The following ORC2 variants were observed in gnomAD, a reference collection of about 807,000 sequenced individuals.
The protein encoded by ORC2 is origin recognition complex subunit 2, also known as origin recognition complex protein 2 homolog.
Under a neutral mutation model 77.7 loss-of-function variants are expected in ORC2, and 37 were observed. The ratio of observed to expected loss-of-function variants is 0.48; its 90% CI spans 0.37 to 0.63. The LOEUF is 0.63. Ranked by LOEUF, ORC2 falls within the 20% of genes least tolerant of loss-of-function variation. The pLI is 0.00. For synonymous variants in ORC2, 201 were observed against 229.5 expected, an observed-to-expected ratio of 0.88 and a Z score of 1.12; for missense variants, 557 against 661.9, an observed-to-expected ratio of 0.84 and a Z score of 1.74.
intron 10 of ORC2, among the ~76,000 whole-genome samples, chr2:200,933,405 G>A (rs1458360948): frequency 6.6e-6 from 1 of 151,932 alleles, no homozygotes; most frequent in Non-Finnish European, 1.5e-5. Flanking sequence ...TGACCAGTGT[G>A]AGATTTAGTG....
At chr2:200,921,985 A>C (rs2124947421) in intron 13 of ORC2, among the ~76,000 whole-genome samples, 1 of 152,078 alleles carries the variant, frequency 6.6e-6, no homozygotes, top group South Asian at 2.1e-4. Flanking sequence ...AGATGTATAC[A>C]ATAGATTGGA....
At chr2:200,952,497 A>G (rs2041380076) in intron 4 of ORC2, among the ~76,000 whole-genome samples, 1 of 152,078 alleles carries the variant, frequency 6.6e-6, no homozygotes, top group Non-Finnish European at 1.5e-5. Flanking sequence ...TCCTGACCTC[A>G]TGATCCACCC....
At chr2:200,921,725 A>G (rs2040766071) in intron 13 of ORC2, 1 of 152,106 alleles carries the variant, frequency 6.6e-6, no homozygotes, top group Non-Finnish European at 1.5e-5. Flanking sequence ...CAACCCTGAC[A>G]TCCAGGGCTC....
chr2:200,958,782 G>A (rs1470394612), intron 2 of ORC2, among the ~76,000 whole-genome samples: 1 of 152,198 alleles, frequency 6.6e-6, no homozygotes, highest in Non-Finnish European at 1.5e-5. Flanking sequence ...TCCAGAGTTT[G>A]GCAAGCAAAA....
intron 13 of ORC2, among the ~76,000 whole-genome samples, chr2:200,923,780 G>GT (rs1330095501): frequency 5.3e-5 from 8 of 152,014 alleles, no homozygotes; most frequent in Non-Finnish European, 1.2e-4. Context: ...TGTGAAAAAC[G>GT]TAGCACTGAA....
At chr2:200,913,816 G>C in intron 16 of ORC2, 115 bp downstream of exon 16, 3 of 1,444,506 alleles carry the variant, frequency 2.1e-6, no homozygotes, top group Non-Finnish European at 1.8e-6. Context: ...CCCATCATGA[G>C]TGACCACTTA....
intron 1 of ORC2, among the ~76,000 whole-genome samples, chr2:200,961,072 G>A (rs944996046): frequency 4.0e-5 from 6 of 151,444 alleles, no homozygotes; most frequent in African/African-American, 1.5e-4. Context: ...ACTGCACCTG[G>A]CAGATTCCTA....
At chr2:200,945,641 C>T (rs1486022280) in intron 5 of ORC2, among the ~76,000 whole-genome samples, 1 of 151,954 alleles carries the variant, frequency 6.6e-6, no homozygotes, top group Non-Finnish European at 1.5e-5. Flanking sequence ...ATTCATTATT[C>T]TATTAATTCA....
chr2:200,926,878 A>G lies in ORC2; in HGVS notation c.940T>C (p.Tyr314His). ...AAATCTCTCTTAGAACCCAAACCATAAAGCACAATGTTGAACCCAAGGCTG... is the reference window on the plus strand; with the variant it reads ...AAATCTCTCTTAGAACCCAAACCATGAAGCACAATGTTGAACCCAAGGCTG... ...QLHLGFNIVLYGLGSKRDLLE... is the reference protein window; with the variant it reads ...QLHLGFNIVLHGLGSKRDLLE... Residue 314 changes from tyrosine to histidine, a missense_variant, in exon 12 of 18, where the codon TAT becomes CAT. Tyr to His is a moderately conservative substitution (Grantham distance 83). Coordinates refer to ENST00000234296, the MANE Select transcript of ORC2 (RefSeq NM_006190.5). The G allele has an allele frequency of 6.2e-7, 1 of 1,614,024 alleles. No homozygotes were observed. The highest frequency in any genetic ancestry group is 8.5e-7 in the Non-Finnish European group (1 of 1,179,936).
At position 200,913,994 on chromosome 2, in the gene ORC2, T is replaced by TAAAAA; in HGVS notation, c.1467-7_1467-3dup. On this transcript the variant is annotated splice_polypyrimidine_tract_variant and splice_region_variant and intron_variant, in intron 15 of 17. Coordinates refer to ENST00000234296, the MANE Select transcript of ORC2 (RefSeq NM_006190.5). The stretch of plus-strand genomic sequence containing the variant: ...TTTATTAGTAGCCTGAAAATTCCCC[T>TAAAAA]AAAAAAAAAAAAAAACAGGAATTTA... The TAAAAA allele has an allele frequency of 2.2e-5, 29 of 1,289,832 alleles. No individual in the cohort carries two copies. Among genetic ancestry groups the TAAAAA allele is most frequent in the Middle Eastern group, 2.6e-4 (1 of 3,864 alleles). 79.9% of individuals were successfully genotyped at this position (1,289,832 alleles called of 1,614,324 possible).
chr2:200,934,120 G>A (rs554081259), intron 9 of ORC2, 146 bp from the exon 10 acceptor site: 1 of 477,682 alleles, frequency 2.1e-6, no homozygotes, highest in East Asian at 3.1e-5. Context: ...ACCAGTTAAG[G>A]ACCAAGCATA....
At chr2:200,935,938 A>G (rs767682277) in intron 8 of ORC2, 46 bp from the exon 9 acceptor site, 137 of 1,555,500 alleles carry the variant, frequency 8.8e-5, no homozygotes, top group Non-Finnish European at 1.1e-4. Flanking sequence ...TGGTTTGACA[A>G]GAGAGGCATT....
chr2:200,936,748 G>T (rs2041054741), intron 8 of ORC2, among the ~76,000 whole-genome samples: 1 of 152,058 alleles, frequency 6.6e-6, no homozygotes, highest in Admixed American at 6.6e-5. Context: ...GTTGATTCAA[G>T]AATTGTCTTT....
At position 200,950,795 on chromosome 2, in the gene ORC2, CCTT is replaced by C. The variant is rs1439295812; in HGVS notation, c.239-1155_239-1153del. Among the ~76,000 whole-genome samples, 37 of 152,214 alleles carry C rather than the reference CCTT, an allele frequency of 2.4e-4. 1 individual carries two copies. Among genetic ancestry groups the C allele is most frequent in the Admixed American group, 2.4e-3 (37 of 15,278 alleles). ...ACTTTCCAAAGTGTGTGCTCATCCT[CCTT>C]ATTAAGCTTTCCTAGTGATCTGTAT... On this transcript the variant is annotated intron_variant, in intron 4 of 17. Coordinates refer to ENST00000234296, the MANE Select transcript of ORC2 (RefSeq NM_006190.5).
intron 1 of ORC2, among the ~76,000 whole-genome samples, chr2:200,960,774 C>T (rs1452939281): frequency 6.6e-6 from 1 of 151,992 alleles, no homozygotes; most frequent in East Asian, 1.9e-4. Flanking sequence ...CGGACTGATC[C>T]TAACTTCTTC....
intron 5 of ORC2, among the ~76,000 whole-genome samples, chr2:200,946,872 C>T (rs528306099): frequency 6.6e-6 from 1 of 152,240 alleles, no homozygotes; most frequent in South Asian, 2.1e-4. Flanking sequence ...TGCTCCTATA[C>T]AGGATTCAGT....
intron 15 of ORC2, among the ~76,000 whole-genome samples, chr2:200,915,621 AAAACTTAT>A (rs2040634158): frequency 6.6e-6 from 1 of 152,230 alleles, no homozygotes; most frequent in Non-Finnish European, 1.5e-5. Context: ...CCAAAAATTC[AAAACTTAT>A]ATGAATTTTC....
Position 200,931,470 on chromosome 2 carries a change from G to A in ORC2, c.808-22C>T, listed in dbSNP as rs756909756. 3.1e-6 allele frequency: 4 copies of A among 1,309,064 alleles called. No homozygotes were observed. In the African/African-American group the frequency reaches 4.6e-5, roughly 15 times the overall value. The allele number at this position is 1,309,064 out of a possible 1,614,324, so 81.1% of individuals were successfully genotyped here. The stretch of plus-strand genomic sequence containing the variant: ...TTTGCTTTAAAAAAAAGGAGGAGGG[G>A]AAAAAAGTCATTCTCAAAGCACAGA... On this transcript the variant is annotated intron_variant, in intron 10 of 17. Transcript: ENST00000234296.
chr2:200,931,328 A>G lies in ORC2; in HGVS notation c.917+11T>C. On this transcript the variant is annotated intron_variant, in intron 11 of 17. Transcript: ENST00000234296. ...CTTTATTTTACAAGGGTTTGTAATG[A>G]TAATACTTACTGTAATTGCAGCATC... 1.9e-6 allele frequency: 2 copies of G among 1,079,664 alleles called. 1 individual carries two copies. 66.9% of individuals were successfully genotyped at this position (1,079,664 alleles called of 1,614,324 possible).
Sources: allele counts gnomAD v4.1 joint callset (sites outside exome capture counted in the v4.1 genomes callset), GRCh38; gene constraint gnomAD v4.1.1; transcripts MANE v1.5; gene names NCBI Gene and HGNC (gene_info 2026-07-23, HGNC 2026-07-21).